The following GABRB2 variants were observed in gnomAD, a reference collection of about 807,000 sequenced individuals.
GABRB2 encodes the protein gamma-aminobutyric acid receptor subunit beta-2.
A neutral mutation model predicts 54.7 loss-of-function variants in GABRB2; 16 were observed. The ratio of observed to expected loss-of-function variants is 0.29; its 90% CI spans 0.20 to 0.44. The LOEUF (loss-of-function observed/expected upper bound fraction) is 0.44. GABRB2 is among the 20% of genes least tolerant of loss of function. The pLI, the probability that GABRB2 is intolerant of heterozygous loss-of-function variation, is 1.00. For synonymous variants in GABRB2, 244 were observed against 233.8 expected (o/e 1.04, Z -0.40); for missense variants, 355 against 644.0 (o/e 0.55, Z 4.86).
At chr5:161,495,372 A>G (rs995777496) in intron 3 of GABRB2, among the ~76,000 whole-genome samples, 5 of 152,094 alleles carry the variant, frequency 3.3e-5, no homozygotes, top group Non-Finnish European at 7.4e-5. Flanking sequence ...ACTATAGAAG[A>G]AAGAAAAAAC....
intron 3 of GABRB2, among the ~76,000 whole-genome samples, chr5:161,510,948 A>G (rs1192556821): frequency 6.6e-6 from 1 of 151,938 alleles, no homozygotes; most frequent in Non-Finnish European, 1.5e-5. Flanking sequence ...CATTCTTTCT[A>G]TATGGTAACC....
intron 4 of GABRB2, among the ~76,000 whole-genome samples, chr5:161,455,039 G>T (rs10515829): frequency 0.16 from 25,009 of 152,004 alleles, 2,140 homozygotes; most frequent in East Asian, 0.2. Flanking sequence ...ATAAAAAAAG[G>T]GTCCATATTT....
intron 5 of GABRB2, among the ~76,000 whole-genome samples, chr5:161,342,858 T>C (rs1754212838): frequency 6.6e-6 from 1 of 152,060 alleles, no homozygotes; most frequent in African/African-American, 2.4e-5. Flanking sequence ...TATCTTTTAA[T>C]GGAGCAAAAG....
chr5:161,314,689 C>A (rs72813511), intron 9 of GABRB2, among the ~76,000 whole-genome samples: 4 of 151,842 alleles, frequency 2.6e-5, no homozygotes, highest in Non-Finnish European at 4.4e-5. Context: ...CTCTCTCCCC[C>A]CTCTTTCTGC....
At chr5:161,475,621 T>C (rs1418693173) in intron 3 of GABRB2, among the ~76,000 whole-genome samples, 2 of 151,884 alleles carry the variant, frequency 1.3e-5, no homozygotes, top group Non-Finnish European at 2.9e-5. Context: ...TCATAACAAG[T>C]AGAATTTATT....
At chr5:161,298,679 A>G (rs1757451698) in intron 9 of GABRB2, among the ~76,000 whole-genome samples, 1 of 152,210 alleles carries the variant, frequency 6.6e-6, no homozygotes, top group Non-Finnish European at 1.5e-5. Context: ...CTCTTGCTAG[A>G]GCAGCATGCT....
chr5:161,307,944 C>T lies in GABRB2; in HGVS notation c.1192-13516G>A, dbSNP rs112318517. Among the ~76,000 whole-genome samples the T allele has an allele frequency of 1.0e-2, 1,510 of 151,426 alleles. 27 individuals carry two copies. The highest frequency in any genetic ancestry group is 0.033 in the African/African-American group (1,376 of 41,226). ...AGCAATCTTGGCTCACTGCAAGCTCCGCCTCCTGGGTTCATGCCATTCTCC... is the reference window on the plus strand; with the variant it reads ...AGCAATCTTGGCTCACTGCAAGCTCTGCCTCCTGGGTTCATGCCATTCTCC... On this transcript the variant is annotated intron_variant, in intron 9 of 9. Coordinates refer to ENST00000393959, the MANE Select transcript of GABRB2 (RefSeq NM_001371727.1).
chr5:161,301,331 C>A (rs1409953686), intron 9 of GABRB2, among the ~76,000 whole-genome samples: 1 of 152,088 alleles, frequency 6.6e-6, no homozygotes, highest in East Asian at 1.9e-4. Flanking sequence ...CACACCAGCC[C>A]TTTTAGACTT....
chr5:161,324,083 T>G (rs1758295060), intron 9 of GABRB2, among the ~76,000 whole-genome samples: 1 of 152,128 alleles, frequency 6.6e-6, no homozygotes, highest in Non-Finnish European at 1.5e-5. Flanking sequence ...TTAAATGAAT[T>G]ATGGCATGCA....
At chr5:161,385,116 AGTGCCGG>A (rs1561631391) in intron 5 of GABRB2, among the ~76,000 whole-genome samples, 1 of 152,110 alleles carries the variant, frequency 6.6e-6, no homozygotes, top group East Asian at 1.9e-4. Flanking sequence ...TCTTCCAGAA[AGTGCCGG>A]GTCTCTGATT....
chr5:161,413,237 A>G (rs939820396), intron 4 of GABRB2, among the ~76,000 whole-genome samples: 2 of 152,152 alleles, frequency 1.3e-5, no homozygotes, highest in Admixed American at 6.5e-5. Context: ...CTTTCTATTA[A>G]TATTTGGAAG....
intron 3 of GABRB2, among the ~76,000 whole-genome samples, chr5:161,462,596 G>T (rs956683006): frequency 1.3e-5 from 2 of 152,092 alleles, no homozygotes; most frequent in African/African-American, 4.8e-5. Context: ...AATCAGCTGA[G>T]ATGTGTTTGG....
rs1329518279 is a variant in GABRB2, at chr5:161,384,335, G to C, written c.541+26640C>G. On this transcript the variant is annotated intron_variant, in intron 5 of 9. Coordinates refer to ENST00000393959, the MANE Select transcript of GABRB2 (RefSeq NM_001371727.1). ...TATCTCTTTAACTTGTTAGAATGTA[G>C]ATGAGTGCCTGGATTTTTCATCTGT... Among the ~76,000 whole-genome samples the C allele has an allele frequency of 2.6e-5, 4 of 152,280 alleles. No homozygotes were observed. In the East Asian group the frequency reaches 7.7e-4, roughly 29 times the overall value.
intron 5 of GABRB2, among the ~76,000 whole-genome samples, chr5:161,401,841 A>G (rs1198085630): frequency 1.3e-5 from 2 of 152,114 alleles, no homozygotes; most frequent in African/African-American, 4.8e-5. Context: ...TTCAACTTCT[A>G]TGCATTCATC....
intron 5 of GABRB2, among the ~76,000 whole-genome samples, chr5:161,364,998 A>G (rs1361792736): frequency 6.6e-5 from 10 of 152,162 alleles, no homozygotes; most frequent in Non-Finnish European, 1.5e-4. Context: ...CTTAATCATG[A>G]TCACAAATGT....
At chr5:161,479,834 C>T (rs149094925) in intron 3 of GABRB2, among the ~76,000 whole-genome samples, 85 of 152,020 alleles carry the variant, frequency 5.6e-4, no homozygotes, top group Admixed American at 1.8e-3. Flanking sequence ...GTGATCCACC[C>T]GCCTCAGCCT....
chr5:161,336,315 TATA>T (rs1390318448), intron 6 of GABRB2, among the ~76,000 whole-genome samples: 1 of 152,160 alleles, frequency 6.6e-6, no homozygotes, highest in Non-Finnish European at 1.5e-5. Context: ...CTGTGGGATG[TATA>T]ATGTTATAAT....
At chr5:161,320,487 C>A (rs1378848362) in intron 9 of GABRB2, among the ~76,000 whole-genome samples, 5 of 151,542 alleles carry the variant, frequency 3.3e-5, no homozygotes. Context: ...TTTGGATGCT[C>A]TTTTGATTTA....
chr5:161,437,952 C>T (rs1757357893), intron 4 of GABRB2, among the ~76,000 whole-genome samples: 2 of 152,202 alleles, frequency 1.3e-5, no homozygotes, highest in Admixed American at 1.3e-4. Context: ...CTTCTGGACC[C>T]ACCTGGGGCC....
Sources: gnomAD v4.1 joint callset for allele counts (sites outside exome capture counted in the v4.1 genomes callset) on GRCh38, gnomAD v4.1.1 for gene constraint, MANE v1.5 for transcripts, NCBI Gene and HGNC (gene_info 2026-07-23, HGNC 2026-07-21) for gene names.